FMN2: variants seen among roughly 807,000 people sequenced by gnomAD.
FMN2 encodes the protein formin 2.
Under a neutral mutation model 142.3 loss-of-function variants are expected in FMN2, and 51 were observed. The ratio of observed to expected loss-of-function variants is 0.36; its 90% confidence interval spans 0.29 to 0.45. The LOEUF is 0.45. FMN2 is among the 20% of genes least tolerant of loss of function. The pLI, the probability that FMN2 is intolerant of heterozygous loss-of-function variation, is 1.00. For synonymous variants in FMN2, 882 were observed against 869.8 expected (o/e 1.01, Z -0.25); for missense variants, 1,936 against 2,122.8 (o/e 0.91, Z 1.73).
chr1:240,146,436 C>T (rs1476511411), intron 2 of FMN2, among the ~76,000 whole-genome samples: 1 of 146,060 alleles, frequency 6.8e-6, no homozygotes, highest in Non-Finnish European at 1.5e-5. Context: ...GGCACAGTGG[C>T]TCACACTTGT....
chr1:240,443,920 T>C (rs1013810658), intron 16 of FMN2, among the ~76,000 whole-genome samples: 2 of 152,152 alleles, frequency 1.3e-5, no homozygotes, highest in Non-Finnish European at 2.9e-5. Context: ...TTGGCATGAC[T>C]GTCACCTAGC....
At chr1:240,364,437 A>G (rs1163830755) in intron 14 of FMN2, among the ~76,000 whole-genome samples, 1 of 152,166 alleles carries the variant, frequency 6.6e-6, no homozygotes, top group Non-Finnish European at 1.5e-5. Flanking sequence ...CGTGAACCAG[A>G]CGGACAAAAC....
chr1:240,412,185 G>A (rs181544065), intron 15 of FMN2, among the ~76,000 whole-genome samples: 1 of 152,152 alleles, frequency 6.6e-6, no homozygotes, highest in South Asian at 2.1e-4. Context: ...GTAAACAAGG[G>A]TAGCAGAAAA....
At chr1:240,428,460 G>C (rs1138149) in intron 15 of FMN2, among the ~76,000 whole-genome samples, 13,083 of 151,806 alleles carry the variant, frequency 0.086, 1,926 homozygotes, top group African/African-American at 0.3. Flanking sequence ...CTCCTGGCTT[G>C]AAGTGATCCT....
intron 6 of FMN2, among the ~76,000 whole-genome samples, chr1:240,243,333 A>G (rs1035463459): frequency 2.6e-5 from 4 of 152,152 alleles, no homozygotes; most frequent in African/African-American, 9.7e-5. Flanking sequence ...TATCTTTCCA[A>G]AGTAAGAAAA....
intron 7 of FMN2, among the ~76,000 whole-genome samples, chr1:240,262,509 T>G (rs1668664214): frequency 6.6e-6 from 1 of 152,206 alleles, no homozygotes. Flanking sequence ...AGTTCACTTC[T>G]GTGAAAATTG....
intron 1 of FMN2, among the ~76,000 whole-genome samples, chr1:240,118,726 C>T (rs1222319268): frequency 6.6e-6 from 1 of 152,162 alleles, no homozygotes; most frequent in South Asian, 2.1e-4. Flanking sequence ...ATCAAGGTCT[C>T]GGGCGAGGTA....
intron 1 of FMN2, among the ~76,000 whole-genome samples, chr1:240,113,734 T>C (rs1230371798): frequency 6.6e-6 from 1 of 152,136 alleles, no homozygotes; most frequent in Admixed American, 6.5e-5. Flanking sequence ...CCACTCCCCC[T>C]GACCTGGTTG....
chr1:240,330,491 G>C, intron 10 of FMN2, 112 bp from the exon 11 acceptor site: 1 of 1,091,862 alleles, frequency 9.2e-7, no homozygotes, highest in South Asian at 1.6e-5. Flanking sequence ...GATAAAGTTC[G>C]GTTGTGACCC....
At chr1:240,424,854 T>C (rs1391920709) in intron 15 of FMN2, among the ~76,000 whole-genome samples, 1 of 152,188 alleles carries the variant, frequency 6.6e-6, no homozygotes, top group African/African-American at 2.4e-5. Context: ...CTGCTTCTAA[T>C]ACGTAGTCAA....
rs569348116 is a variant in FMN2 at position 240,432,751 on chromosome 1, A to G, written c.4911-5310A>G. ...AGGATTTCTTTTTGATCCATGGGTT[A>G]TTTATCACAGGTTTGCTTAATTGCC... On this transcript the variant is annotated intron_variant, in intron 15 of 17. Transcript: ENST00000319653. Among the ~76,000 whole-genome samples the G allele has an allele frequency of 4.6e-5, 7 of 151,992 alleles. No homozygotes were observed. The East Asian group carries it at 1.2e-3, about 25-fold the overall frequency.
intron 2 of FMN2, among the ~76,000 whole-genome samples, chr1:240,149,966 A>G (rs1189633954): frequency 6.6e-6 from 1 of 152,218 alleles, no homozygotes; most frequent in Non-Finnish European, 1.5e-5. Context: ...TATCAATAAC[A>G]TTAGAGAAAA....
At chr1:240,434,544 T>C (rs1301819807) in intron 15 of FMN2, among the ~76,000 whole-genome samples, 1 of 103,914 alleles carries the variant, frequency 9.6e-6, no homozygotes, top group African/African-American at 2.7e-5. Context: ...TTGTTTTGTT[T>C]TTTGTTTTTT....
chr1:240,309,947 A>G (rs571647221), intron 8 of FMN2, among the ~76,000 whole-genome samples: 1 of 152,288 alleles, frequency 6.6e-6, no homozygotes, highest in South Asian at 2.1e-4. Context: ...TCTAGAAACA[A>G]AAAGTGACAT....
At chr1:240,445,119 T>C (rs1675760147) in intron 16 of FMN2, among the ~76,000 whole-genome samples, 1 of 152,218 alleles carries the variant, frequency 6.6e-6, no homozygotes, top group Admixed American at 6.5e-5. Flanking sequence ...GTCAAAATAG[T>C]GGCCAATGGA....
At chr1:240,337,521 C>G (rs759641116) in intron 13 of FMN2, among the ~76,000 whole-genome samples, 2 of 152,040 alleles carry the variant, frequency 1.3e-5, no homozygotes, top group Admixed American at 1.3e-4. Context: ...ATTTTGTTTC[C>G]CAGAGGCAAG....
chr1:240,215,720 T>C (rs1420455278), intron 6 of FMN2, among the ~76,000 whole-genome samples: 2 of 151,390 alleles, frequency 1.3e-5, no homozygotes, highest in Non-Finnish European at 2.9e-5. Flanking sequence ...TCTTTCTTTC[T>C]TTTTTTTAAA....
At position 240,099,936 on chromosome 1, in the gene FMN2, A is replaced by G. The variant is rs1572746498; in HGVS notation, c.1615+6212A>G. Among the ~76,000 whole-genome samples the G allele has an allele frequency of 2.0e-5, 3 of 152,156 alleles. No homozygotes were observed. The East Asian group carries it at 5.8e-4, about 29-fold the overall frequency. ...CTCTCCTACTAATCTGTCCACAGAT[A>G]TCTCTTCCGTGCCTTGCTCTGTGCC... is the stretch of plus-strand genomic sequence containing the variant. On this transcript the variant is annotated intron_variant, in intron 1 of 17. Transcript: ENST00000319653.
At chr1:240,439,802 C>T (rs11799544) in intron 16 of FMN2, among the ~76,000 whole-genome samples, 15,429 of 145,112 alleles carry the variant, frequency 0.11, 983 homozygotes, top group East Asian at 0.32. Context: ...CAGGCTTGCT[C>T]AGTTTGGAAG....
Sources: allele counts gnomAD v4.1 joint callset (sites outside exome capture counted in the v4.1 genomes callset), GRCh38; gene constraint gnomAD v4.1.1; transcripts MANE v1.5; gene names NCBI Gene and HGNC (gene_info 2026-07-23, HGNC 2026-07-21).